Variants in PTPRD observed in about 807,000 individuals in gnomAD.
The protein encoded by PTPRD is receptor-type tyrosine-protein phosphatase delta.
Under a neutral mutation model 214.5 loss-of-function variants are expected in PTPRD, and 34 were observed. That is an observed-to-expected ratio of 0.16 (90% CI 0.12 to 0.21). PTPRD has a LOEUF of 0.21. Among genes scored for constraint, PTPRD ranks in the 10% least tolerant of loss-of-function variants. PTPRD has a pLI of 1.00. For missense variants in PTPRD, 2,545 were observed against 2,398.7 expected, an observed-to-expected ratio of 1.06 and a Z score of -1.27; for synonymous variants, 1,128 against 845.7, an observed-to-expected ratio of 1.33 and a Z score of -5.79.
rs181952363 is a variant in PTPRD at position 8,317,262 on chromosome 9, T to C, written c.*612A>G. On this transcript the variant is annotated 3_prime_UTR_variant, in exon 46 of 46. Transcript: ENST00000381196. ...GATTTGGAAATAAAAAAATGAAGAG[T>C]TATGTAACTTTTTTAAAATTCACTT... The C allele has an allele frequency of 1.0e-4, 24 of 232,154 alleles. No homozygotes were observed. In the East Asian group the frequency reaches 1.3e-3, roughly 13 times the overall value. The allele number at this position is 232,154 out of a possible 1,614,324, so 14.4% of individuals were successfully genotyped here.
intron 4 of PTPRD, among the ~76,000 whole-genome samples, chr9:9,962,975 A>T (rs1314589899): frequency 6.6e-6 from 1 of 152,084 alleles, no homozygotes; most frequent in East Asian, 1.9e-4. Flanking sequence ...ATAGTATAGT[A>T]GTACCATTAT....
intron 4 of PTPRD, among the ~76,000 whole-genome samples, chr9:9,999,347 T>C (rs1373827422): frequency 4.6e-5 from 7 of 152,306 alleles, no homozygotes; most frequent in African/African-American, 1.7e-4. Flanking sequence ...CTGAAAATCA[T>C]GAAAGATAAG....
At chr9:9,484,785 C>G (rs548192349) in intron 8 of PTPRD, among the ~76,000 whole-genome samples, 9 of 152,138 alleles carry the variant, frequency 5.9e-5, no homozygotes, top group African/African-American at 1.7e-4. Flanking sequence ...GGTTCTGGAG[C>G]CTACAGTCTT....
intron 3 of PTPRD, among the ~76,000 whole-genome samples, chr9:10,198,196 T>C (rs550950629): frequency 2.0e-5 from 3 of 152,100 alleles, no homozygotes; most frequent in Non-Finnish European, 4.4e-5. Context: ...ATGAACCTCA[T>C]GCAAATTAAA....
chr9:9,741,694 G>C (rs533683971), intron 6 of PTPRD, among the ~76,000 whole-genome samples: 31 of 152,112 alleles, frequency 2.0e-4, no homozygotes, highest in Non-Finnish European at 3.8e-4. Context: ...CTATGAGTGA[G>C]AATATGCAGT....
At chr9:9,064,601 A>C (rs1381778582) in intron 10 of PTPRD, among the ~76,000 whole-genome samples, 1 of 152,218 alleles carries the variant, frequency 6.6e-6, no homozygotes, top group African/African-American at 2.4e-5. Flanking sequence ...CATTATATTC[A>C]AGAACTGTCC....
At chr9:9,061,971 A>C (rs939238967) in intron 10 of PTPRD, among the ~76,000 whole-genome samples, 2 of 152,240 alleles carry the variant, frequency 1.3e-5, no homozygotes, top group African/African-American at 4.8e-5. Flanking sequence ...CTGTGGGAGT[A>C]GAAATTAAAA....
intron 9 of PTPRD, among the ~76,000 whole-genome samples, chr9:9,206,691 TGCTTCCTG>T (rs1452932812): frequency 1.3e-5 from 2 of 152,202 alleles, no homozygotes; most frequent in Non-Finnish European, 2.9e-5. Context: ...TTGTGTTGGA[TGCTTCCTG>T]GCCTTGAACA....
rs550450669 is a variant in PTPRD, at chr9:10,055,515, C to G, written c.-544-21725G>C. On this transcript the variant is annotated intron_variant, in intron 3 of 45. Transcript: ENST00000381196. ...AAATAGCTTTCCTGAGGCCACAAAT[C>G]TAGCAAATGGTCGATCCAGGATTTA... Among the ~76,000 whole-genome samples, 43 of 152,124 alleles carry G rather than the reference C, an allele frequency of 2.8e-4. No homozygotes were observed. The South Asian group carries it at 7.7e-3, about 27-fold the overall frequency.
At chr9:9,794,320 A>G (rs920278251) in intron 5 of PTPRD, among the ~76,000 whole-genome samples, 12 of 152,004 alleles carry the variant, frequency 7.9e-5, no homozygotes, top group African/African-American at 2.9e-4. Context: ...AAGAAATGAC[A>G]TAAGGACTAG....
At chr9:9,680,782 A>T (rs962079674) in intron 7 of PTPRD, among the ~76,000 whole-genome samples, 4 of 151,652 alleles carry the variant, frequency 2.6e-5, no homozygotes, top group African/African-American at 4.8e-5. Context: ...AAAAGAAAAA[A>T]AAAATTGCTG....
chr9:9,181,266 A>G (rs1206438262), intron 10 of PTPRD, among the ~76,000 whole-genome samples: 2 of 151,926 alleles, frequency 1.3e-5, no homozygotes, highest in Non-Finnish European at 2.9e-5. Context: ...GCAGCTGATT[A>G]TGGTATCTTG....
At chr9:9,237,151 C>T (rs2099967337) in intron 9 of PTPRD, among the ~76,000 whole-genome samples, 1 of 152,102 alleles carries the variant, frequency 6.6e-6, no homozygotes, top group African/African-American at 2.4e-5. Flanking sequence ...TTTTGATTTC[C>T]TTCTTAGTTG....
intron 3 of PTPRD, among the ~76,000 whole-genome samples, chr9:10,209,521 C>G (rs1594283625): frequency 6.6e-6 from 1 of 152,092 alleles, no homozygotes. Context: ...CCCTTGCTCC[C>G]ATGTTCTCGC....
chr9:8,871,016 C>T (rs990764335), intron 11 of PTPRD, among the ~76,000 whole-genome samples: 2 of 152,126 alleles, frequency 1.3e-5, no homozygotes, highest in African/African-American at 4.8e-5. Flanking sequence ...CACTAGGTGC[C>T]CCCTCCTTTC....
intron 3 of PTPRD, among the ~76,000 whole-genome samples, chr9:10,125,423 TTTATTATTATTATTATTA>T (rs71485319): frequency 0.08 from 10,643 of 133,468 alleles, 475 homozygotes; most frequent in Admixed American, 0.12. Flanking sequence ...TTTGTTTTAT[TTTATTATTATTATTATTA>T]TTATTATTAT....
At chr9:8,735,164 G>A (rs12353392) in intron 11 of PTPRD, among the ~76,000 whole-genome samples, 2 of 137,998 alleles carry the variant, frequency 1.4e-5, no homozygotes, top group African/African-American at 2.7e-5. Context: ...TTTTTTTTTT[G>A]AGACAGTCTC....
intron 9 of PTPRD, among the ~76,000 whole-genome samples, chr9:9,290,575 T>G (rs909556680): frequency 6.6e-6 from 1 of 151,562 alleles, no homozygotes; most frequent in African/African-American, 2.4e-5. Flanking sequence ...TACTAGATCA[T>G]TTGTAGCCAT....
intron 2 of PTPRD, among the ~76,000 whole-genome samples, chr9:10,593,645 T>A (rs887437168): frequency 6.6e-6 from 1 of 152,002 alleles, no homozygotes; most frequent in Non-Finnish European, 1.5e-5. Context: ...TTAATATATA[T>A]GACAGACTTC....
Sources: gnomAD v4.1 joint callset for allele counts (sites outside exome capture counted in the v4.1 genomes callset) on GRCh38, gnomAD v4.1.1 for gene constraint, MANE v1.5 for transcripts, NCBI Gene and HGNC (gene_info 2026-07-23, HGNC 2026-07-21) for gene names.